Variants in BTRC observed in about 807,000 individuals in gnomAD.
BTRC encodes the protein beta-transducin repeat containing E3 ubiquitin protein ligase, also known as F-box/WD repeat-containing protein 1A.
In BTRC, 42 loss-of-function variants were observed where a neutral mutation model predicts 85.5. The observed-to-expected ratio is 0.49, with a 90% CI of 0.38 to 0.64. The LOEUF is 0.64. Ranked by LOEUF, BTRC falls within the 30% of genes least tolerant of loss-of-function variation. BTRC has a pLI of 0.00. For synonymous variants in BTRC, 255 were observed against 263.3 expected, an observed-to-expected ratio of 0.97 and a Z score of 0.30; for missense variants, 594 against 743.5, an observed-to-expected ratio of 0.80 and a Z score of 2.34.
intron 4 of BTRC, among the ~76,000 whole-genome samples, chr10:101,498,930 T>C (rs1462871645): frequency 6.6e-6 from 1 of 150,850 alleles, no homozygotes; most frequent in African/African-American, 2.4e-5. Context: ...GAGGCGGAGG[T>C]TGCAGTGAGC....
intron 4 of BTRC, among the ~76,000 whole-genome samples, chr10:101,518,777 C>T (rs148665361): frequency 4.6e-4 from 70 of 152,324 alleles, no homozygotes; most frequent in Non-Finnish European, 7.6e-4. Context: ...CATTCTTCCT[C>T]GCTGTCTAGT....
At chr10:101,374,470 A>T (rs924404236) in intron 1 of BTRC, among the ~76,000 whole-genome samples, 7 of 150,640 alleles carry the variant, frequency 4.6e-5, no homozygotes, top group Admixed American at 4.6e-4. Context: ...TGATGAGTTC[A>T]TGTCCTTTGT....
chr10:101,538,153 G>A (rs2062414396), intron 12 of BTRC, 140 bp from the exon 13 acceptor site: 1 of 717,970 alleles, frequency 1.4e-6, no homozygotes, highest in South Asian at 1.6e-5. Flanking sequence ...AAGCTAGCCT[G>A]TTTCTCATTT....
chr10:101,487,040 T>C (rs1168873581), intron 4 of BTRC, among the ~76,000 whole-genome samples: 1 of 152,264 alleles, frequency 6.6e-6, no homozygotes, highest in African/African-American at 2.4e-5. Context: ...AAATTTATAC[T>C]TGTGTGATCA....
At chr10:101,416,873 A>G (rs1046155035) in intron 1 of BTRC, among the ~76,000 whole-genome samples, 6 of 152,168 alleles carry the variant, frequency 3.9e-5, no homozygotes, top group Admixed American at 1.3e-4. Context: ...AATTTTCTGC[A>G]TGAAATTTAG....
rs576544667 is a variant in BTRC at position 101,546,760 on chromosome 10, A to G, written c.1657-3939A>G. On this transcript the variant is annotated intron_variant, in intron 13 of 14. Transcript: ENST00000370187. ...TCAAGACCAAAAGCTAGTTCTTTGA[A>G]AGGATCAATAAAATGGATGAGTCTC... Among the ~76,000 whole-genome samples, 4 of 152,348 alleles carry G rather than the reference A, an allele frequency of 2.6e-5. No individual in the cohort carries two copies. In the East Asian group the frequency reaches 7.7e-4, roughly 29 times the overall value.
intron 1 of BTRC, among the ~76,000 whole-genome samples, chr10:101,411,452 C>A (rs1943776790): frequency 6.6e-6 from 1 of 152,186 alleles, no homozygotes; most frequent in African/African-American, 2.4e-5. Flanking sequence ...AGACCACTTA[C>A]AATTTCCTAT....
intron 4 of BTRC, among the ~76,000 whole-genome samples, chr10:101,483,634 A>C (rs1404520369): frequency 6.6e-6 from 1 of 151,950 alleles, no homozygotes; most frequent in Non-Finnish European, 1.5e-5. Flanking sequence ...TTTTATCCCT[A>C]TAACTTAATC....
rs2062725432 is a variant in BTRC at position 101,556,489 on chromosome 10, G to A, written c.*3366G>A. 1 of 152,272 alleles carries A rather than the reference G, an allele frequency of 6.6e-6. No homozygotes were observed. 9.4% of individuals were successfully genotyped at this position (152,272 alleles called of 1,614,324 possible). A position where few individuals can be genotyped will look rare whatever the true frequency, so the allele number is the denominator to read the frequency against. On this transcript the variant is annotated 3_prime_UTR_variant, in exon 15 of 15. Coordinates refer to ENST00000370187, the MANE Select transcript of BTRC (RefSeq NM_033637.4). Reference sequence around the variant, plus strand: ...TGGCAACACCCTCCAGTCTGTAGCAGAGCAGTCCAACCCAGATTAGTGCAG... The same window carrying A: ...TGGCAACACCCTCCAGTCTGTAGCAAAGCAGTCCAACCCAGATTAGTGCAG...
chr10:101,354,110 G>A (rs1941956279), upstream of BTRC: 45 of 1,515,620 alleles, frequency 3.0e-5, 3 homozygotes, highest in South Asian at 5.4e-4. Flanking sequence ...GGATCCGGGC[G>A]CTGCGTTGGC....
intron 2 of BTRC, among the ~76,000 whole-genome samples, chr10:101,450,641 C>T (rs879909469): frequency 2.0e-5 from 3 of 152,064 alleles, no homozygotes; most frequent in East Asian, 1.9e-4. Flanking sequence ...GTAGTACAGC[C>T]GAGTTGTTCA....
At chr10:101,522,934 G>A (rs993177586) in intron 5 of BTRC, among the ~76,000 whole-genome samples, 6 of 152,134 alleles carry the variant, frequency 3.9e-5, no homozygotes, top group African/African-American at 1.2e-4. Flanking sequence ...GGTTGGGCAC[G>A]GTGGCTCAGG....
At chr10:101,486,310 C>T (rs1351719017) in intron 4 of BTRC, among the ~76,000 whole-genome samples, 1 of 152,094 alleles carries the variant, frequency 6.6e-6, no homozygotes, top group African/African-American at 2.4e-5. Context: ...CATAAATCTG[C>T]CCGAATGGTG....
intron 4 of BTRC, among the ~76,000 whole-genome samples, chr10:101,514,301 G>A (rs796299532): frequency 3.7e-4 from 57 of 152,042 alleles, no homozygotes; most frequent in African/African-American, 1.2e-3. Context: ...TTCCAAGAAC[G>A]TCAAGGTTTT....
chr10:101,541,694 T>C (rs2062471509), intron 13 of BTRC, among the ~76,000 whole-genome samples: 1 of 152,242 alleles, frequency 6.6e-6, no homozygotes, highest in East Asian at 1.9e-4. Context: ...GATAATCATA[T>C]GGTTTTTCAC....
intron 4 of BTRC, among the ~76,000 whole-genome samples, chr10:101,488,015 GTCAT>G (rs1946034635): frequency 6.6e-6 from 1 of 152,140 alleles, no homozygotes; most frequent in Admixed American, 6.5e-5. Flanking sequence ...TCTATCAGGA[GTCAT>G]TTGATTTTGA....
Position 101,553,876 on chromosome 10 carries a change from C to T in BTRC, c.*753C>T, listed in dbSNP as rs1376141183. The T allele has an allele frequency of 6.6e-6, 1 of 152,662 alleles. No homozygotes were observed. The highest frequency in any genetic ancestry group is 2.4e-5 in the African/African-American group (1 of 41,446). 9.5% of individuals were successfully genotyped at this position (152,662 alleles called of 1,614,324 possible). On this transcript the variant is annotated 3_prime_UTR_variant, in exon 15 of 15. Transcript: ENST00000370187. ...TGTCCTCCTCTCACATGAGCCAGAT[C>T]AGCCAGAAAATGCAACACTTGGAAG...
intron 1 of BTRC, among the ~76,000 whole-genome samples, chr10:101,415,039 TA>T (rs34771625): frequency 0.33 from 49,697 of 151,896 alleles, 10,658 homozygotes; most frequent in East Asian, 0.67. Context: ...TTAACCATTA[TA>T]AAGTCTATAG....
At position 101,354,184 on chromosome 10, in the gene BTRC, G is replaced by A; in HGVS notation, c.4G>A (p.Asp2Asn). Reference sequence around the variant, plus strand: ...GGACCCAGTGGCCTCGGCGATTATGGACCCGGCCGAGGCGGTGCTGCAAGA... The same window carrying A: ...GGACCCAGTGGCCTCGGCGATTATGAACCCGGCCGAGGCGGTGCTGCAAGA... M[D>N]PAEAVLQEKA... is the part of the protein sequence containing the mutation. The change falls in exon 1 of 15, where the codon GAC (aspartate) becomes AAC (asparagine). Residue 2 changes from aspartate to asparagine, a missense_variant. Transcript: ENST00000370187. The A allele has an allele frequency of 6.5e-7, 1 of 1,549,196 alleles. No individual in the cohort carries two copies. The highest frequency in any genetic ancestry group is 8.7e-7 in the Non-Finnish European group (1 of 1,146,730).
Sources: gnomAD v4.1 joint callset for allele counts (sites outside exome capture counted in the v4.1 genomes callset) on GRCh38, gnomAD v4.1.1 for gene constraint, MANE v1.5 for transcripts, NCBI Gene and HGNC (gene_info 2026-07-23, HGNC 2026-07-21) for gene names.